PARD3: variants seen among roughly 807,000 people sequenced by gnomAD.
PARD3 encodes the protein partitioning defective 3 homolog.
Under a neutral mutation model 155.4 loss-of-function variants are expected in PARD3, and 75 were observed. That is an observed-to-expected ratio of 0.48 (90% CI 0.40 to 0.58). The LOEUF (loss-of-function observed/expected upper bound fraction) is 0.58, where lower values mean the gene tolerates loss of function less well. Ranked by LOEUF, PARD3 falls within the 20% of genes least tolerant of loss-of-function variation. The pLI, the probability that PARD3 is intolerant of heterozygous loss-of-function variation, is 0.00. For synonymous variants in PARD3, 576 were observed against 610.5 expected, an observed-to-expected ratio of 0.94 and a Z score of 0.83; for missense variants, 1,642 against 1,721.7, an observed-to-expected ratio of 0.95 and a Z score of 0.82.
chr10:34,203,620 C>T (rs1393816489), intron 22 of PARD3, among the ~76,000 whole-genome samples: 1 of 152,188 alleles, frequency 6.6e-6, no homozygotes, highest in Admixed American at 6.5e-5. Context: ...TTATACTGTG[C>T]TGTTTAGGGA....
intron 22 of PARD3, among the ~76,000 whole-genome samples, chr10:34,257,118 T>C (rs1034905717): frequency 7.9e-5 from 12 of 152,256 alleles, no homozygotes; most frequent in African/African-American, 2.9e-4. Context: ...AAATAGTTAT[T>C]TACACCAAGG....
intron 22 of PARD3, among the ~76,000 whole-genome samples, chr10:34,221,025 A>G (rs943604956): frequency 1.3e-5 from 2 of 152,154 alleles, no homozygotes; most frequent in Admixed American, 6.5e-5. Flanking sequence ...CATCCCCAAT[A>G]TCTTCCCTTC....
chr10:34,291,868 G>A (rs774134993), intron 20 of PARD3, among the ~76,000 whole-genome samples: 9 of 152,310 alleles, frequency 5.9e-5, no homozygotes, highest in Middle Eastern at 3.4e-3. Context: ...GCAACAGAGC[G>A]AGGCTACCCT....
intron 1 of PARD3, 96 bp from the exon 2 acceptor site, chr10:34,696,515 G>C: frequency 1.3e-6 from 1 of 775,120 alleles, no homozygotes; most frequent in Non-Finnish European, 2.2e-6. Context: ...CCCATAAAAA[G>C]GAATCAACCT....
intron 1 of PARD3, among the ~76,000 whole-genome samples, chr10:34,763,767 C>CGGA (rs1364099021): frequency 9.2e-5 from 14 of 152,274 alleles, no homozygotes; most frequent in African/African-American, 3.1e-4. Flanking sequence ...CATCTCCTGG[C>CGGA]TTCCTATTCA....
chr10:34,490,406 G>A (rs1044343517), intron 3 of PARD3, among the ~76,000 whole-genome samples: 1 of 152,136 alleles, frequency 6.6e-6, no homozygotes, highest in African/African-American at 2.4e-5. Context: ...GAGAGAGAGA[G>A]AGACAGAGGG....
intron 21 of PARD3, among the ~76,000 whole-genome samples, chr10:34,276,155 A>G (rs938042639): frequency 2.0e-5 from 3 of 152,174 alleles, no homozygotes; most frequent in Admixed American, 6.5e-5. Context: ...AATTCAAACA[A>G]TTAAAACCTT....
chr10:34,753,564 G>T (rs1162463069), intron 1 of PARD3, among the ~76,000 whole-genome samples: 5 of 152,228 alleles, frequency 3.3e-5, no homozygotes, highest in Non-Finnish European at 7.3e-5. Context: ...GTATTTTGCT[G>T]ATGCCTGTGA....
chr10:34,306,074 AT>A (rs1564567080), intron 20 of PARD3, among the ~76,000 whole-genome samples: 1 of 152,030 alleles, frequency 6.6e-6, no homozygotes, highest in African/African-American at 2.4e-5. Context: ...TGGGCGGATC[AT>A]TTGAGGTCCA....
At chr10:34,565,845 A>G (rs1407043843) in intron 2 of PARD3, among the ~76,000 whole-genome samples, 1 of 152,236 alleles carries the variant, frequency 6.6e-6, no homozygotes, top group Non-Finnish European at 1.5e-5. Context: ...AATGATGGTG[A>G]TAATTGGCTT....
At chr10:34,144,550 G>A (rs758360916) in intron 22 of PARD3, among the ~76,000 whole-genome samples, 12 of 152,206 alleles carry the variant, frequency 7.9e-5, no homozygotes, top group Non-Finnish European at 1.5e-4. Flanking sequence ...CAAAAGCTAG[G>A]AATTTAATAA....
At chr10:34,259,121 G>C (rs1002548471) in intron 22 of PARD3, among the ~76,000 whole-genome samples, 1 of 151,922 alleles carries the variant, frequency 6.6e-6, no homozygotes, top group Non-Finnish European at 1.5e-5. Flanking sequence ...CAAAAACAAA[G>C]AGAACAGAGT....
intron 1 of PARD3, among the ~76,000 whole-genome samples, chr10:34,702,683 T>C (rs1448147151): frequency 6.6e-6 from 1 of 152,144 alleles, no homozygotes; most frequent in Non-Finnish European, 1.5e-5. Context: ...CCCCCAAGGC[T>C]AGAGGTGGGA....
chr10:34,784,317 G>A (rs1349613075), intron 1 of PARD3, among the ~76,000 whole-genome samples: 1 of 152,120 alleles, frequency 6.6e-6, no homozygotes, highest in Non-Finnish European at 1.5e-5. Context: ...GCAGCCCCAT[G>A]TGAGACAGAA....
chr10:34,639,429 C>T (rs766895124), intron 2 of PARD3, among the ~76,000 whole-genome samples: 48 of 152,004 alleles, frequency 3.2e-4, no homozygotes, highest in Non-Finnish European at 5.3e-4. Context: ...AAAAAAAACA[C>T]GTTTTTAAAC....
intron 2 of PARD3, among the ~76,000 whole-genome samples, chr10:34,581,271 G>A (rs1451577899): frequency 1.0e-5 from 1 of 99,180 alleles, no homozygotes; most frequent in Non-Finnish European, 1.9e-5. Flanking sequence ...GTTTCACTCT[G>A]TCACCCAGGC....
intron 5 of PARD3, among the ~76,000 whole-genome samples, chr10:34,444,428 AAC>A (rs1426908243): frequency 6.6e-6 from 1 of 152,236 alleles, no homozygotes; most frequent in Non-Finnish European, 1.5e-5. Context: ...GAGTCAGGGA[AAC>A]AGTTACCATT....
intron 1 of PARD3, among the ~76,000 whole-genome samples, chr10:34,744,817 A>G (rs1835104090): frequency 6.6e-6 from 1 of 152,244 alleles, no homozygotes; most frequent in Admixed American, 6.5e-5. Flanking sequence ...AAACAGACTC[A>G]TCTGAGTGTC....
intron 2 of PARD3, among the ~76,000 whole-genome samples, chr10:34,543,468 C>A (rs2083802950): frequency 6.6e-6 from 1 of 152,116 alleles, no homozygotes; most frequent in Non-Finnish European, 1.5e-5. Flanking sequence ...CTTCAATAAA[C>A]CAAAACGCAA....
Sources: allele counts gnomAD v4.1 joint callset (sites outside exome capture counted in the v4.1 genomes callset), GRCh38; gene constraint gnomAD v4.1.1; transcripts MANE v1.5; gene names NCBI Gene and HGNC (gene_info 2026-07-23, HGNC 2026-07-21).